Variants in SYNPO2L observed in about 807,000 individuals in gnomAD.
The protein encoded by SYNPO2L is synaptopodin 2-like protein.
SYNPO2L carries 34 observed loss-of-function variants against 47.5 expected under a neutral mutation model. The ratio of observed to expected loss-of-function variants is 0.72; its 90% CI spans 0.54 to 0.95. The LOEUF is 0.95. Ranked by LOEUF, SYNPO2L falls within the 40% of genes least tolerant of loss-of-function variation. SYNPO2L has a pLI of 0.00. For missense variants in SYNPO2L, 1,246 were observed against 1,282.0 expected (o/e 0.97, Z 0.43); for synonymous variants, 536 against 524.9 (o/e 1.02, Z -0.29).
intron 1 of SYNPO2L, among the ~76,000 whole-genome samples, 199 bp downstream of exon 1, chr10:73,655,619 T>C (rs1227865836): frequency 6.6e-6 from 1 of 151,932 alleles, no homozygotes; most frequent in Non-Finnish European, 1.5e-5. Context: ...GAATTCTCTT[T>C]TCTAATAGAC....
rs2132423739 is a variant in SYNPO2L, at chr10:73,653,641, C to G, written c.270G>C (p.Glu90Asp). 10 of 1,543,580 alleles carry G rather than the reference C, an allele frequency of 6.5e-6. No individual in the cohort carries two copies. The highest frequency in any genetic ancestry group is 8.8e-6 in the Non-Finnish European group (10 of 1,141,004). ...GGGGAGATGGAGATTGCACAGGACC[C>G]TCGTCTGCTAACCTGGATAGGAAAG... is the stretch of plus-strand genomic sequence containing the variant. ...LVLTVQRLAD[E>D]GPVQSPSPHE... Residue 90 changes from glutamate (E) to aspartate (D), a missense_variant, in exon 3 of 4, where the codon GAG (glutamate) becomes GAC (aspartate). Glu to Asp is a conservative substitution (Grantham distance 45). Transcript: ENST00000394810.
intron 3 of SYNPO2L, among the ~76,000 whole-genome samples, chr10:73,649,374 T>C (rs143721910): frequency 2.4e-4 from 37 of 152,252 alleles, no homozygotes; most frequent in African/African-American, 8.7e-4. Context: ...TCCTCTCCAC[T>C]ACCCCTTACC....
chr10:73,650,002 C>A (rs1287524403), intron 3 of SYNPO2L: 1 of 985,300 alleles, frequency 1.0e-6, no homozygotes, highest in Admixed American at 6.1e-5. Flanking sequence ...GCAGCCACTG[C>A]CAGCCAGGCA....
chr10:73,648,286 C>A lies in SYNPO2L; in HGVS notation c.1366G>T (p.Ala456Ser). 6.2e-7 allele frequency: 1 copy of A among 1,602,228 alleles called. No individual in the cohort carries two copies. The highest frequency in any genetic ancestry group is 2.2e-5 in the East Asian group (1 of 44,814). The change falls in exon 4 of 4, where the codon GCC becomes TCC. Residue 456 changes from alanine to serine, a missense_variant. Physicochemically the swap from Ala to Ser is moderately conservative, Grantham distance 99 (BLOSUM62 1). This residue lies in a region of SYNPO2L where 1,037 missense variants were observed against 1,021.5 expected (regional missense o/e 1.02). Transcript: ENST00000394810. ...AAGATGCTTGGAGCTGGGGTCGGGG[C>A]TCCACCACCTGGTTGGAAGGGTCTG... ...SPRPFQPGGG[A>S]PTPAPSIFNR...
Position 73,653,638 on chromosome 10 carries a change from A to G in SYNPO2L, c.273T>C (p.Gly91=), listed in dbSNP as rs1315539870. The change falls in exon 3 of 4, where the codon GGT becomes GGC. Residue 91 remains glycine, a synonymous_variant. Transcript: ENST00000394810. ...CATGGGGAGATGGAGATTGCACAGG[A>G]CCCTCGTCTGCTAACCTGGATAGGA... ...VLTVQRLADE[G]PVQSPSPHEL... 1 of 1,544,446 alleles carries G rather than the reference A, an allele frequency of 6.5e-7. No homozygotes were observed. Among genetic ancestry groups the G allele is most frequent in the Non-Finnish European group, 8.8e-7 (1 of 1,141,582 alleles).
In SYNPO2L at chr10:73,647,634, T is replaced by C; in HGVS notation, c.2018A>G (p.Glu673Gly). 1 of 1,614,136 alleles carries C rather than the reference T, an allele frequency of 6.2e-7. No individual in the cohort carries two copies. The highest frequency in any genetic ancestry group is 1.3e-5 in the African/African-American group (1 of 75,052). Reference protein sequence around the residue: ...PRAGGAESGPEEDALSLGAEA... With the variant: ...PRAGGAESGPGEDALSLGAEA... ...AGCCCCGAGGCTCAGAGCATCTTCT[T>C]CAGGACCAGATTCTGCACCCCCGGC... The change falls in exon 4 of 4, where the codon GAA becomes GGA. Residue 673 changes from glutamate (E) to glycine (G), a missense_variant. By Grantham distance (98) the Glu-to-Gly change is moderately conservative (BLOSUM62 -2). Around this residue, in one of 3 missense-constraint regions of SYNPO2L, gnomAD observed 1,037 missense variants for 1,021.5 expected, o/e 1.02. Transcript: ENST00000394810.
rs770893636 is a variant in SYNPO2L at position 73,647,626 on chromosome 10, C to A, written c.2026G>T (p.Ala676Ser). 1.4e-5 allele frequency: 23 copies of A among 1,614,036 alleles called. No homozygotes were observed. The highest frequency in any genetic ancestry group is 1.8e-5 in the Non-Finnish European group (21 of 1,180,022). The stretch of plus-strand genomic sequence containing the variant: ...CAGGCTTCAGCCCCGAGGCTCAGAG[C>A]ATCTTCTTCAGGACCAGATTCTGCA... Reference protein sequence around the residue: ...GGAESGPEEDALSLGAEACNF... With the variant: ...GGAESGPEEDSLSLGAEACNF... The change falls in exon 4 of 4, where the codon GCT becomes TCT. Residue 676 changes from alanine (A) to serine (S), a missense_variant. Ala to Ser is a moderately conservative substitution (Grantham distance 99). Transcript: ENST00000394810.
rs1216895013 is a variant in SYNPO2L at position 73,647,419 on chromosome 10, A to G, written c.2233T>C (p.Ser745Pro). Residue 745 changes from serine to proline, a missense_variant, in exon 4 of 4, where the codon TCG becomes CCG. Ser to Pro is a moderately conservative substitution (Grantham distance 74, BLOSUM62 -1). This residue lies in a region of SYNPO2L where 1,037 missense variants were observed against 1,021.5 expected (regional missense o/e 1.02). Transcript: ENST00000394810. Reference sequence around the variant, plus strand: ...CTTGGTGGCTCAGGGATTCCAGCCGAAGAGGCTGCCCCATTCACGAGCCCA... The same window carrying G: ...CTTGGTGGCTCAGGGATTCCAGCCGGAGAGGCTGCCCCATTCACGAGCCCA... ...LDGLVNGAAS[S>P]AGIPEPPRLQ... 6.2e-7 allele frequency: 1 copy of G among 1,612,830 alleles called. No homozygotes were observed. The highest frequency in any genetic ancestry group is 8.5e-7 in the Non-Finnish European group (1 of 1,179,192).
At position 73,646,118 on chromosome 10, in the gene SYNPO2L, C is replaced by T. The variant is rs996705628; in HGVS notation, c.*600G>A. 1.0e-6 allele frequency: 1 copy of T among 985,608 alleles called. No individual in the cohort carries two copies. The highest frequency in any genetic ancestry group is 4.7e-5 in the South Asian group (1 of 21,288). 61.1% of individuals were successfully genotyped at this position (985,608 alleles called of 1,614,324 possible). On this transcript the variant is annotated 3_prime_UTR_variant, in exon 4 of 4. Coordinates refer to ENST00000394810, the MANE Select transcript of SYNPO2L (RefSeq NM_001114133.3). ...GGATTACCGGCGTGAGCCACCGTGC[C>T]CGGCCTCAGATTGGGTCTTTATTTT...
At chr10:73,649,806 C>T in intron 3 of SYNPO2L, 1 of 985,428 alleles carries the variant, frequency 1.0e-6, no homozygotes, top group East Asian at 1.1e-4. Flanking sequence ...ACCCCTGCTA[C>T]TCACAGTCAG....
chr10:73,647,664 G>C lies in SYNPO2L; in HGVS notation c.1988C>G (p.Pro663Arg). The C allele has an allele frequency of 1.9e-6, 3 of 1,614,140 alleles. No homozygotes were observed. Among genetic ancestry groups the C allele is most frequent in the Non-Finnish European group, 2.5e-6 (3 of 1,179,988 alleles). Residue 663 changes from proline to arginine, a missense_variant, in exon 4 of 4, where the codon CCT (proline) becomes CGT (arginine). By Grantham distance (103) the Pro-to-Arg change is moderately radical. Around this residue, in one of 3 missense-constraint regions of SYNPO2L, gnomAD observed 1,037 missense variants for 1,021.5 expected, o/e 1.02. Coordinates refer to ENST00000394810, the MANE Select transcript of SYNPO2L (RefSeq NM_001114133.3). Reference sequence around the variant, plus strand: ...ACCAGATTCTGCACCCCCGGCCCGAGGCTTTTCATCCAGGTTCTGTACCAG... The same window carrying C: ...ACCAGATTCTGCACCCCCGGCCCGACGCTTTTCATCCAGGTTCTGTACCAG... ...LSLVQNLDEK[P>R]RAGGAESGPE... is the part of the protein sequence containing the mutation.
chr10:73,654,048 A>T, intron 2 of SYNPO2L, 81 bp downstream of exon 2: 4 of 1,500,378 alleles, frequency 2.7e-6, no homozygotes, highest in Non-Finnish European at 3.6e-6. Flanking sequence ...TAGTTGCTAA[A>T]GCCAGGCCAG....
chr10:73,650,015 CAA>C (rs1564993695), intron 3 of SYNPO2L: 1 of 985,394 alleles, frequency 1.0e-6, no homozygotes, highest in Non-Finnish European at 1.2e-6. Context: ...GCCAGGCACA[CAA>C]AGACTATGTG....
rs1466292560 is a variant in SYNPO2L at position 73,645,848 on chromosome 10, AGAGTCTC to A, written c.*863_*869del. On this transcript the variant is annotated 3_prime_UTR_variant, in exon 4 of 4. Coordinates refer to ENST00000394810, the MANE Select transcript of SYNPO2L (RefSeq NM_001114133.3). Reference sequence around the variant, plus strand: ...TTTGTTTGTTTGTTTGTTTTGAGACAGAGTCTCGCTCCGTCGCCCAGGCTGGAGTGCA... The same window carrying A: ...TTTGTTTGTTTGTTTGTTTTGAGACAGCTCCGTCGCCCAGGCTGGAGTGCA... 4 of 985,550 alleles carry A rather than the reference AGAGTCTC, an allele frequency of 4.1e-6. No individual in the cohort carries two copies. The highest frequency in any genetic ancestry group is 3.6e-6 in the Non-Finnish European group (3 of 829,810). The allele number at this position is 985,550 out of a possible 1,614,324, so 61.1% of individuals were successfully genotyped here.
rs563036947 is a variant in SYNPO2L, at chr10:73,645,200, C to T, written c.*1518G>A. On this transcript the variant is annotated 3_prime_UTR_variant, in exon 4 of 4. Transcript: ENST00000394810. ...TCAAGGAAAATCACACAGACACCAA[C>T]CGTTCTTTCAACACTCAGCACACAC... 63 of 1,149,852 alleles carry T rather than the reference C, an allele frequency of 5.5e-5. No individual in the cohort carries two copies. The highest frequency in any genetic ancestry group is 6.3e-5 in the Non-Finnish European group (58 of 922,100). The allele number at this position is 1,149,852 out of a possible 1,614,324, so 71.2% of individuals were successfully genotyped here.
At chr10:73,650,419 T>G (rs1298921591) in intron 3 of SYNPO2L, among the ~76,000 whole-genome samples, 1 of 152,200 alleles carries the variant, frequency 6.6e-6, no homozygotes, top group African/African-American at 2.4e-5. Flanking sequence ...GATAGTTACC[T>G]CACCTCATTA....
chr10:73,648,382 G>A lies in SYNPO2L; in HGVS notation c.1270C>T (p.Arg424Trp), dbSNP rs139351387. The change falls in exon 4 of 4, where the codon CGG (arginine) becomes TGG (tryptophan). Residue 424 changes from arginine (R) to tryptophan (W), a missense_variant. By Grantham distance (101) the Arg-to-Trp change is moderately radical (BLOSUM62 -3). This residue lies in a region of SYNPO2L where 1,037 missense variants were observed against 1,021.5 expected (regional missense o/e 1.02). Transcript: ENST00000394810. ...LNGEGLQSPP[R>W]AQSAPPEAAV... ...GCCTCTGGGGGAGCACTCTGGGCCC[G>A]AGGTGGTGACTGCAGGCCTTCCCCG... 2 of 1,607,106 alleles carry A rather than the reference G, an allele frequency of 1.2e-6. No individual in the cohort carries two copies. The highest frequency in any genetic ancestry group is 1.3e-5 in the African/African-American group (1 of 75,022).
Position 73,645,928 on chromosome 10 carries a change from C to T in SYNPO2L, c.*790G>A, listed in dbSNP as rs1025515292. ...CAAGCTCCGCCTTCCAGGTTCATGCCATTCTCCTGCCTCAGCCTCCCGAGT... is the reference window on the plus strand; with the variant it reads ...CAAGCTCCGCCTTCCAGGTTCATGCTATTCTCCTGCCTCAGCCTCCCGAGT... On this transcript the variant is annotated 3_prime_UTR_variant, in exon 4 of 4. Transcript: ENST00000394810. The T allele has an allele frequency of 5.6e-6, 5 of 897,138 alleles. No homozygotes were observed. Among genetic ancestry groups the T allele is most frequent in the Non-Finnish European group, 6.7e-6 (5 of 749,100 alleles). 55.6% of individuals were successfully genotyped at this position (897,138 alleles called of 1,614,324 possible).
Position 73,647,358 on chromosome 10 carries a change from C to T in SYNPO2L, c.2294G>A (p.Arg765Gln). Reference sequence around the variant, plus strand: ...CACATACCTGTCCGCACGGCTCTGCCGCTTAGCAAACAGCTCCCCACCCCT... The same window carrying T: ...CACATACCTGTCCGCACGGCTCTGCTGCTTAGCAAACAGCTCCCCACCCCT... Reference protein sequence around the residue: ...QGRGGELFAKRQSRADRYVVE... With the variant: ...QGRGGELFAKQQSRADRYVVE... The change falls in exon 4 of 4, where the codon CGG (arginine) becomes CAG (glutamine). Residue 765 changes from arginine (R) to glutamine (Q), a missense_variant. Physicochemically the swap from Arg to Gln is conservative, Grantham distance 43 (BLOSUM62 1). Around this residue, in one of 3 missense-constraint regions of SYNPO2L, gnomAD observed 1,037 missense variants for 1,021.5 expected, o/e 1.02. Coordinates refer to ENST00000394810, the MANE Select transcript of SYNPO2L (RefSeq NM_001114133.3). 1 of 1,614,038 alleles carries T rather than the reference C, an allele frequency of 6.2e-7. No homozygotes were observed. Among genetic ancestry groups the T allele is most frequent in the South Asian group, 1.1e-5 (1 of 91,082 alleles).
Sources: allele counts gnomAD v4.1 joint callset (sites outside exome capture counted in the v4.1 genomes callset), GRCh38; gene constraint gnomAD v4.1.1; regional missense constraint gnomAD v4.1.1; transcripts MANE v1.5; gene names NCBI Gene and HGNC (gene_info 2026-07-23, HGNC 2026-07-21).